ZNF423: variants seen among roughly 807,000 people sequenced by gnomAD.
ZNF423 encodes Ebf-associated zinc finger protein.
Under a neutral mutation model 95.8 loss-of-function variants are expected in ZNF423, and 12 were observed. The ratio of observed to expected loss-of-function variants is 0.13; its 90% CI spans 0.08 to 0.20. The LOEUF (loss-of-function observed/expected upper bound fraction) is 0.20. Ranked by LOEUF, ZNF423 falls within the 10% of genes least tolerant of loss-of-function variation. The pLI is 1.00. For synonymous variants in ZNF423, 749 were observed against 711.9 expected (o/e 1.05, Z -0.83); for missense variants, 1,316 against 1,737.1 (o/e 0.76, Z 4.31).
chr16:49,670,989 T>A (rs935772473), intron 3 of ZNF423, among the ~76,000 whole-genome samples: 1 of 152,130 alleles, frequency 6.6e-6, no homozygotes, highest in African/African-American at 2.4e-5. Flanking sequence ...TCGAAGGAGA[T>A]GTCTTATTGG....
intron 7 of ZNF423, among the ~76,000 whole-genome samples, chr16:49,520,597 G>A (rs1054695588): frequency 6.6e-6 from 1 of 152,170 alleles, no homozygotes; most frequent in Admixed American, 6.5e-5. Context: ...GCAAATACCA[G>A]GTGCCTGGAA....
At chr16:49,686,163 G>C (rs1434833271) in intron 3 of ZNF423, among the ~76,000 whole-genome samples, 1 of 152,170 alleles carries the variant, frequency 6.6e-6, no homozygotes, top group Non-Finnish European at 1.5e-5. Context: ...CAGGGGGAGA[G>C]TCCAGGCCTG....
intron 5 of ZNF423, 88 bp downstream of exon 5, chr16:49,626,082 C>T: frequency 2.2e-6 from 3 of 1,349,248 alleles, no homozygotes; most frequent in Non-Finnish European, 3.2e-6. Context: ...GTCCTTTGGC[C>T]TAAAAGCCAG....
At chr16:49,709,901 C>T (rs181398521) in intron 3 of ZNF423, among the ~76,000 whole-genome samples, 17 of 152,244 alleles carry the variant, frequency 1.1e-4, no homozygotes, top group Non-Finnish European at 2.2e-4. Context: ...GTAAATCACA[C>T]AATCAGTCTC....
chr16:49,836,952 T>C (rs964793181), intron 1 of ZNF423, among the ~76,000 whole-genome samples: 27 of 152,026 alleles, frequency 1.8e-4, no homozygotes, highest in African/African-American at 6.3e-4. Flanking sequence ...GAGCAATAGG[T>C]ATTTTGAGCC....
chr16:49,632,483 G>A (rs931849068), intron 4 of ZNF423, among the ~76,000 whole-genome samples: 7 of 152,058 alleles, frequency 4.6e-5, no homozygotes, highest in African/African-American at 7.2e-5. Flanking sequence ...TTTCTGCAAT[G>A]GCCCATCTCC....
At chr16:49,731,851 GC>G (rs2143401276) in intron 2 of ZNF423, among the ~76,000 whole-genome samples, 1 of 152,146 alleles carries the variant, frequency 6.6e-6, no homozygotes, top group South Asian at 2.1e-4. Flanking sequence ...CCTGGTACAG[GC>G]CTAGACAGTT....
chr16:49,776,922 G>T (rs912454975), intron 2 of ZNF423, among the ~76,000 whole-genome samples: 19 of 152,254 alleles, frequency 1.2e-4, no homozygotes, highest in Admixed American at 1.0e-3. Flanking sequence ...CCAGAAACAG[G>T]CTTTTTCTGC....
chr16:49,739,019 T>C (rs1012412032), intron 2 of ZNF423, among the ~76,000 whole-genome samples: 1 of 151,916 alleles, frequency 6.6e-6, no homozygotes, highest in African/African-American at 2.4e-5. Flanking sequence ...TGGATGCATG[T>C]TCCAGGGACT....
At chr16:49,642,380 T>A (rs890572131) in intron 3 of ZNF423, among the ~76,000 whole-genome samples, 4 of 152,100 alleles carry the variant, frequency 2.6e-5, no homozygotes, top group Non-Finnish European at 5.9e-5. Context: ...AAAAGGAGAA[T>A]CTTAACCTGC....
intron 2 of ZNF423, among the ~76,000 whole-genome samples, chr16:49,786,863 T>C (rs1269812061): frequency 1.3e-5 from 2 of 152,240 alleles, no homozygotes; most frequent in Non-Finnish European, 2.9e-5. Flanking sequence ...TTCTTTGGCA[T>C]CTGCTGCCAT....
chr16:49,684,854 C>T (rs1319386696), intron 3 of ZNF423, among the ~76,000 whole-genome samples: 3 of 152,210 alleles, frequency 2.0e-5, no homozygotes, highest in East Asian at 1.9e-4. Flanking sequence ...CCCTGACACG[C>T]GGCCAGCTGG....
chr16:49,744,909 C>T (rs1470028239), intron 2 of ZNF423, among the ~76,000 whole-genome samples: 1 of 152,210 alleles, frequency 6.6e-6, no homozygotes, highest in African/African-American at 2.4e-5. Flanking sequence ...CAACATGAAG[C>T]AGAAACCTTT....
intron 5 of ZNF423, among the ~76,000 whole-genome samples, chr16:49,592,978 C>G (rs905716630): frequency 6.6e-6 from 1 of 152,192 alleles, no homozygotes; most frequent in Non-Finnish European, 1.5e-5. Flanking sequence ...AAGGGTCAGT[C>G]ATCCAGGTGC....
At chr16:49,699,950 C>G (rs8053199) in intron 3 of ZNF423, among the ~76,000 whole-genome samples, 2,990 of 152,152 alleles carry the variant, frequency 0.02, 87 homozygotes, top group African/African-American at 0.068. Context: ...AGCCAGGGCC[C>G]CAGGCCAGGA....
chr16:49,590,144 T>C (rs1374337963), intron 5 of ZNF423, among the ~76,000 whole-genome samples: 2 of 150,878 alleles, frequency 1.3e-5, no homozygotes, highest in East Asian at 2.0e-4. Flanking sequence ...TCAGAACACA[T>C]TGATTTTCCC....
chr16:49,849,866 T>C (rs949500891), intron 1 of ZNF423, among the ~76,000 whole-genome samples: 1 of 152,224 alleles, frequency 6.6e-6, no homozygotes, highest in African/African-American at 2.4e-5. Flanking sequence ...AATGTCAGTG[T>C]TTTCACAGCA....
At chr16:49,685,622 T>G (rs893214019) in intron 3 of ZNF423, among the ~76,000 whole-genome samples, 1 of 152,136 alleles carries the variant, frequency 6.6e-6, no homozygotes, top group Admixed American at 6.5e-5. Flanking sequence ...TTCTCCAAAA[T>G]TTAATCCATT....
rs149733604 is a variant in ZNF423 at position 49,609,772 on chromosome 16, A to C, written c.3601+16398T>G. The stretch of plus-strand genomic sequence containing the variant: ...AGAGGGCAGGATTGAAAATGTACTC[A>C]AAAGAGTGATGGCTGAAAAATTCCC... On this transcript the variant is annotated intron_variant, in intron 5 of 7. Coordinates refer to ENST00000563137, the MANE Select transcript of ZNF423 (RefSeq NM_001379286.1). Among the ~76,000 whole-genome samples, 392 of 152,334 alleles carry C rather than the reference A, an allele frequency of 2.6e-3. 4 individuals are homozygous for C. The highest frequency in any genetic ancestry group is 8.3e-3 in the African/African-American group (346 of 41,586).
Sources: allele counts gnomAD v4.1 joint callset (sites outside exome capture counted in the v4.1 genomes callset), GRCh38; gene constraint gnomAD v4.1.1; transcripts MANE v1.5; gene names NCBI Gene and HGNC (gene_info 2026-07-23, HGNC 2026-07-21).